HEXB: variants seen among roughly 807,000 people sequenced by gnomAD.
HEXB encodes hexosaminidase subunit beta.
HEXB carries 51 observed loss-of-function variants against 71.2 expected under a neutral mutation model. The observed-to-expected ratio is 0.72, with a 90% confidence interval of 0.57 to 0.90. The LOEUF (loss-of-function observed/expected upper bound fraction) is 0.90, where lower values mean the gene tolerates loss of function less well. Among genes scored for constraint, HEXB ranks in the 40% least tolerant of loss-of-function variants. The pLI is 0.00. For synonymous variants in HEXB, 266 were observed against 249.3 expected (o/e 1.07, Z -0.63); for missense variants, 617 against 677.0 (o/e 0.91, Z 0.98).
At position 74,650,326 on chromosome 5, in the gene HEXB, A is replaced by G. The variant is rs187895767; in HGVS notation, c.-377+9768A>G. 3.7e-4 allele frequency among the ~76,000 whole-genome samples: 57 copies of G among 152,370 alleles called. 1 individual carries two copies. Among genetic ancestry groups the G allele is most frequent in the Non-Finnish European group, 4.4e-5 (3 of 68,036 alleles). On this transcript the variant is annotated intron_variant, in intron 1 of 13. Transcript: ENST00000511181. ...TTCCTACACTGAACTTTTAGAGGAC[A>G]GATGCTAAACACACAAAAACATATC...
intron 10 of HEXB, 77 bp downstream of exon 10, chr5:74,718,440 G>T: frequency 9.5e-7 from 1 of 1,055,056 alleles, no homozygotes; most frequent in South Asian, 1.3e-5. Flanking sequence ...GAATTTGCAA[G>T]TCTAACTACT....
intron 1 of HEXB, among the ~76,000 whole-genome samples, chr5:74,643,618 A>G (rs1429055316): frequency 1.3e-5 from 2 of 152,150 alleles, no homozygotes; most frequent in Non-Finnish European, 2.9e-5. Context: ...TATCTCCCCT[A>G]ACAATGTTAT....
intron 2 of HEXB, among the ~76,000 whole-genome samples, chr5:74,690,529 G>A (rs1748975267): frequency 4.6e-5 from 7 of 151,818 alleles, no homozygotes; most frequent in Admixed American, 4.6e-4. Flanking sequence ...GTGCGTACCT[G>A]TAATCCCAGC....
At chr5:74,696,812 G>C (rs182130053) in intron 4 of HEXB, 73 bp downstream of exon 4, 1 of 833,978 alleles carries the variant, frequency 1.2e-6, no homozygotes, top group Non-Finnish European at 2.0e-6. Flanking sequence ...AACCTGTTTA[G>C]CTATTGCTTC....
At position 74,652,154 on chromosome 5, in the gene HEXB, A is replaced by C. The variant is rs6896412; in HGVS notation, c.-377+11596A>C. On this transcript the variant is annotated intron_variant, in intron 1 of 13. Transcript: ENST00000511181. The surrounding 1 kb of genome is among the most constrained non-coding windows in gnomAD (Gnocchi z 5.4). ...GTAGGTAATACATATGCATGGATCA[A>C]CCATAAATAATAATTAATGTCCATT... Among the ~76,000 whole-genome samples, 1 of 152,012 alleles carries C rather than the reference A, an allele frequency of 6.6e-6. No homozygotes were observed. Among genetic ancestry groups the C allele is most frequent in the Non-Finnish European group, 1.5e-5 (1 of 67,968 alleles).
At chr5:74,689,940 A>T in intron 2 of HEXB, 1 of 189,980 alleles carries the variant, frequency 5.3e-6, no homozygotes, top group Non-Finnish European at 1.1e-5. Context: ...CAATGGCTGA[A>T]TAATGTTCTG....
chr5:74,649,661 C>T (rs539852727), intron 1 of HEXB, among the ~76,000 whole-genome samples: 1 of 152,302 alleles, frequency 6.6e-6, no homozygotes, highest in Admixed American at 6.5e-5. Context: ...TCCATGTTGA[C>T]AGGCCTGATA....
In HEXB at chr5:74,704,467, A is replaced by G. The variant is rs979448439; in HGVS notation, c.670-752A>G. Among the ~76,000 whole-genome samples, 11 of 152,244 alleles carry G rather than the reference A, an allele frequency of 7.2e-5. No homozygotes were observed. The South Asian group carries it at 8.3e-4, about 11-fold the overall frequency. The stretch of plus-strand genomic sequence containing the variant: ...TAAAATTAATAACTCAATTTGCCCA[A>G]AAATTTCTCTGGGGGAATTGTATTG... On this transcript the variant is annotated intron_variant, in intron 5 of 13. Transcript: ENST00000261416.
Position 74,721,181 on chromosome 5 carries a change from G to T in HEXB, c.*6G>T, listed in dbSNP as rs779666774. The T allele has an allele frequency of 6.2e-7, 1 of 1,611,226 alleles. No homozygotes were observed. Among genetic ancestry groups the T allele is most frequent in the Non-Finnish European group, 8.5e-7 (1 of 1,177,580 alleles). ...GTAACCATGAGAACATGTAAAAAAT[G>T]GAGGGGAAAAAGGCCACAGCAATCT... On this transcript the variant is annotated 3_prime_UTR_variant, in exon 14 of 14. Coordinates refer to ENST00000261416, the MANE Select transcript of HEXB (RefSeq NM_000521.4).
intron 1 of HEXB, among the ~76,000 whole-genome samples, chr5:74,648,614 C>T (rs1449037453): frequency 6.6e-6 from 1 of 152,204 alleles, no homozygotes; most frequent in African/African-American, 2.4e-5. Context: ...TTCTACACCT[C>T]TTCTAGGACA....
chr5:74,660,558 C>T (rs1748299979), intron 1 of HEXB, among the ~76,000 whole-genome samples: 1 of 152,148 alleles, frequency 6.6e-6, no homozygotes, highest in African/African-American at 2.4e-5. Flanking sequence ...TATCATCAAG[C>T]CACTAAATGG....
At chr5:74,716,551 A>G (rs1302724643) in intron 8 of HEXB, 36 bp from the exon 9 acceptor site, 4 of 1,321,346 alleles carry the variant, frequency 3.0e-6, no homozygotes, top group East Asian at 2.3e-5. Context: ...GAGCATATCA[A>G]ACTTCTAATG....
intron 6 of HEXB, among the ~76,000 whole-genome samples, chr5:74,706,343 C>T (rs1032277922): frequency 6.6e-6 from 1 of 152,164 alleles, no homozygotes; most frequent in African/African-American, 2.4e-5. Context: ...GAACAGCTCC[C>T]GTCTACAGCT....
At chr5:74,717,282 T>C (rs1579953438) in intron 9 of HEXB, among the ~76,000 whole-genome samples, 2 of 152,128 alleles carry the variant, frequency 1.3e-5, no homozygotes, top group South Asian at 4.1e-4. Flanking sequence ...ATTCATTCCA[T>C]TTTGTCAATT....
chr5:74,711,762 A>G (rs1290218661), intron 6 of HEXB, among the ~76,000 whole-genome samples: 3 of 152,104 alleles, frequency 2.0e-5, no homozygotes, highest in African/African-American at 4.8e-5. Flanking sequence ...TAGAATGGCA[A>G]TCATTAAAAA....
In HEXB at chr5:74,688,335, A is replaced by AG. The variant is rs1470073166; in HGVS notation, c.300-993_300-992insG. Among the ~76,000 whole-genome samples, 8 of 103,396 alleles carry AG rather than the reference A, an allele frequency of 7.7e-5. No homozygotes were observed. The East Asian group carries it at 2.1e-3, about 27-fold the overall frequency. 67.8% of individuals were successfully genotyped at this position (103,396 alleles called of 152,430 possible). On this transcript the variant is annotated intron_variant, in intron 1 of 13. Coordinates refer to ENST00000261416, the MANE Select transcript of HEXB (RefSeq NM_000521.4). ...TGATTTTTGGATACCAACAAAAGGT[A>AG]CTTTTTTTTTTTTTGAGATGGAGTC...
upstream of HEXB, chr5:74,685,202 G>T (rs906041936): frequency 1.0e-5 from 15 of 1,440,302 alleles, no homozygotes; most frequent in Non-Finnish European, 1.4e-5. Flanking sequence ...CGGGCCGGGC[G>T]GGAAGTCGGG....
At chr5:74,692,213 A>G (rs967172722) in intron 2 of HEXB, among the ~76,000 whole-genome samples, 3 of 152,058 alleles carry the variant, frequency 2.0e-5, no homozygotes, top group African/African-American at 7.2e-5. Context: ...AGAATTTGAT[A>G]CAGGCTGGGT....
At chr5:74,699,420 G>T (rs540696309) in intron 5 of HEXB, among the ~76,000 whole-genome samples, 1 of 151,772 alleles carries the variant, frequency 6.6e-6, no homozygotes, top group Non-Finnish European at 1.5e-5. Context: ...GATTACAGGT[G>T]CCCACCACCA....
Sources: allele counts gnomAD v4.1 joint callset (sites outside exome capture counted in the v4.1 genomes callset), GRCh38; gene constraint gnomAD v4.1.1; non-coding constraint Gnocchi (gnomAD v3.1); transcripts MANE v1.5; gene names NCBI Gene and HGNC (gene_info 2026-07-23, HGNC 2026-07-21).